The following CTNND2 variants were observed in gnomAD, a reference collection of about 807,000 sequenced individuals.
CTNND2 encodes catenin delta-2.
CTNND2 carries 22 observed loss-of-function variants against 144.4 expected under a neutral mutation model. The observed-to-expected ratio is 0.15, with a 90% confidence interval of 0.11 to 0.22. The LOEUF is 0.22. CTNND2 is among the 10% of genes least tolerant of loss of function. The pLI, the probability that CTNND2 is intolerant of heterozygous loss-of-function variation, is 1.00. For synonymous variants in CTNND2, 751 were observed against 695.6 expected (o/e 1.08, Z -1.25); for missense variants, 1,353 against 1,618.8 (o/e 0.84, Z 2.82).
At chr5:11,153,827 G>C (rs568869377) in intron 12 of CTNND2, among the ~76,000 whole-genome samples, 1 of 152,204 alleles carries the variant, frequency 6.6e-6, no homozygotes, top group Non-Finnish European at 1.5e-5. Flanking sequence ...GAAATGAGCT[G>C]TGGAAGTTAG....
intron 10 of CTNND2, among the ~76,000 whole-genome samples, chr5:11,228,702 T>C (rs1740641446): frequency 6.6e-6 from 1 of 152,010 alleles, no homozygotes; most frequent in Non-Finnish European, 1.5e-5. Flanking sequence ...CTGATGCCGG[T>C]CTCCTGAGCT....
Position 11,719,831 on chromosome 5 carries a change from TATACACACACAC to T in CTNND2, c.174+12293_174+12304del, listed in dbSNP as rs1228741614. Among the ~76,000 whole-genome samples, 3 of 109,388 alleles carry T rather than the reference TATACACACACAC, an allele frequency of 2.7e-5. No individual in the cohort carries two copies. The East Asian group carries it at 7.5e-4, about 27-fold the overall frequency. The allele number at this position is 109,388 out of a possible 152,430, so 71.8% of individuals were successfully genotyped here. A position where few individuals can be genotyped will look rare whatever the true frequency, so the allele number is the denominator to read the frequency against. On this transcript the variant is annotated intron_variant, in intron 2 of 21. Transcript: ENST00000304623. ...TTTGAATTTGTGGGTAGCTCTGACA[TATACACACACAC>T]ACACACACACACACACACACACACA...
At chr5:11,586,886 A>G (rs945202475) in intron 2 of CTNND2, among the ~76,000 whole-genome samples, 3 of 152,200 alleles carry the variant, frequency 2.0e-5, no homozygotes, top group Admixed American at 2.0e-4. Context: ...AATGCCACCT[A>G]AAGGGCCTAC....
At chr5:11,108,271 G>C (rs570787465) in intron 14 of CTNND2, among the ~76,000 whole-genome samples, 51 of 152,186 alleles carry the variant, frequency 3.4e-4, no homozygotes, top group Non-Finnish European at 6.3e-4. Context: ...GGCCAGGAAA[G>C]AGTGCGGGCA....
At chr5:11,061,218 GCTACAACT>G (rs1405028461) in intron 16 of CTNND2, among the ~76,000 whole-genome samples, 5 of 152,050 alleles carry the variant, frequency 3.3e-5, no homozygotes, top group Non-Finnish European at 7.3e-5. Flanking sequence ...CTACCCCTGT[GCTACAACT>G]CTGGTCCTGG....
At chr5:11,328,811 G>C (rs1034213046) in intron 9 of CTNND2, among the ~76,000 whole-genome samples, 2 of 152,220 alleles carry the variant, frequency 1.3e-5, no homozygotes, top group African/African-American at 4.8e-5. Context: ...GCCAAGAGCA[G>C]GTGAGCTGTG....
chr5:11,595,848 C>T (rs939644679), intron 2 of CTNND2, among the ~76,000 whole-genome samples: 3 of 152,128 alleles, frequency 2.0e-5, no homozygotes, highest in Non-Finnish European at 4.4e-5. Flanking sequence ...TTTTAAAACA[C>T]ATTAATTAAT....
intron 1 of CTNND2, among the ~76,000 whole-genome samples, chr5:11,896,371 C>T (rs1231801619): frequency 1.3e-5 from 2 of 152,118 alleles, no homozygotes; most frequent in East Asian, 3.9e-4. Flanking sequence ...TGCAACCATG[C>T]ATGAATTTTA....
At chr5:11,737,482 G>A (rs116455202) in intron 1 of CTNND2, among the ~76,000 whole-genome samples, 168 of 152,274 alleles carry the variant, frequency 1.1e-3, no homozygotes, top group African/African-American at 3.8e-3. Context: ...ACAGCAGTGC[G>A]GGAAGAACAG....
At chr5:11,668,020 G>T (rs1249768245) in intron 2 of CTNND2, among the ~76,000 whole-genome samples, 2 of 152,166 alleles carry the variant, frequency 1.3e-5, no homozygotes, top group Non-Finnish European at 2.9e-5. Flanking sequence ...ATTAAATAGG[G>T]AATCCTTTCC....
intron 2 of CTNND2, among the ~76,000 whole-genome samples, chr5:11,688,343 C>G (rs1160546169): frequency 1.3e-5 from 2 of 152,030 alleles, no homozygotes; most frequent in Non-Finnish European, 2.9e-5. Flanking sequence ...GGTTACTCAG[C>G]AGGCAGGAAT....
intron 1 of CTNND2, among the ~76,000 whole-genome samples, chr5:11,761,352 G>A (rs1789250624): frequency 6.6e-6 from 1 of 152,108 alleles, no homozygotes; most frequent in Non-Finnish European, 1.5e-5. Flanking sequence ...CATATAATTT[G>A]CACAATTGAG....
chr5:11,341,897 C>T (rs1235831365), intron 9 of CTNND2, among the ~76,000 whole-genome samples: 1 of 152,104 alleles, frequency 6.6e-6, no homozygotes, highest in East Asian at 1.9e-4. Flanking sequence ...GTAGTCCCAC[C>T]TACTTGGGAG....
intron 2 of CTNND2, among the ~76,000 whole-genome samples, chr5:11,581,329 T>C (rs1162881549): frequency 6.6e-6 from 1 of 152,206 alleles, no homozygotes; most frequent in Non-Finnish European, 1.5e-5. Flanking sequence ...ATGCATATTT[T>C]CTTAGCCCTG....
chr5:11,221,835 G>C (rs1739826735), intron 10 of CTNND2, among the ~76,000 whole-genome samples: 1 of 152,180 alleles, frequency 6.6e-6, no homozygotes, highest in African/African-American at 2.4e-5. Context: ...GAAGCCAAGT[G>C]TCACCAGGAG....
chr5:11,625,608 G>A (rs986597831), intron 2 of CTNND2, among the ~76,000 whole-genome samples: 2 of 152,092 alleles, frequency 1.3e-5, no homozygotes, highest in Non-Finnish European at 2.9e-5. Context: ...TGGATATACA[G>A]TATTGCAATT....
intron 1 of CTNND2, among the ~76,000 whole-genome samples, chr5:11,812,925 T>C (rs2126912903): frequency 6.6e-6 from 1 of 152,288 alleles, no homozygotes; most frequent in East Asian, 1.9e-4. Context: ...TGTTCTTGCC[T>C]GCTTTGTGTA....
chr5:11,580,378 CTTA>C (rs1335971543), intron 2 of CTNND2, among the ~76,000 whole-genome samples: 1 of 152,158 alleles, frequency 6.6e-6, no homozygotes, highest in Non-Finnish European at 1.5e-5. Context: ...ATCTAACTTT[CTTA>C]TTATTTTCTG....
chr5:11,126,944 T>C (rs1754739102), intron 12 of CTNND2, among the ~76,000 whole-genome samples: 2 of 152,218 alleles, frequency 1.3e-5, no homozygotes, highest in South Asian at 4.1e-4. Flanking sequence ...AAATGCGTAC[T>C]TTTAGATGCA....
Sources: gnomAD v4.1 joint callset for allele counts (sites outside exome capture counted in the v4.1 genomes callset) on GRCh38, gnomAD v4.1.1 for gene constraint, MANE v1.5 for transcripts, NCBI Gene and HGNC (gene_info 2026-07-23, HGNC 2026-07-21) for gene names.